Variants in CD84 observed in about 807,000 individuals in gnomAD.
The protein encoded by CD84 is SLAM family member 5.
Under a neutral mutation model 33.8 loss-of-function variants are expected in CD84, and 22 were observed. That is an observed-to-expected ratio of 0.65 (90% confidence interval 0.46 to 0.93). CD84 has a LOEUF of 0.93. CD84 is among the 40% of genes least tolerant of loss of function. The probability of loss-of-function intolerance (pLI) is 0.00; values close to 1 mark genes in which losing one functional copy is unlikely to be tolerated. For synonymous variants in CD84, 154 were observed against 145.2 expected, an observed-to-expected ratio of 1.06 and a Z score of -0.44; for missense variants, 400 against 397.6, an observed-to-expected ratio of 1.01 and a Z score of -0.05.
rs374650921 is a variant in CD84 at position 160,547,105 on chromosome 1, T to G, written c.*1151A>C. The G allele has an allele frequency of 1.3e-3, 516 of 398,882 alleles. 16 individuals carry two copies. In the South Asian group the frequency reaches 0.06, roughly 46 times the overall value. 24.7% of individuals were successfully genotyped at this position (398,882 alleles called of 1,614,324 possible). On this transcript the variant is annotated 3_prime_UTR_variant, in exon 7 of 7. Coordinates refer to ENST00000368054, the MANE Select transcript of CD84 (RefSeq NM_003874.4). ...TTCCTCATTGAGGAGAGTTAATGCC[T>G]GTGTAAGCTGGCTGGTGATCTGTTT... is the stretch of plus-strand genomic sequence containing the variant.
chr1:160,571,970 G>GATTAA lies in CD84; in HGVS notation c.47-6226_47-6225insTTAAT, dbSNP rs758207385. Among the ~76,000 whole-genome samples, 546 of 152,288 alleles carry GATTAA rather than the reference G, an allele frequency of 3.6e-3. 1 individual carries two copies. The highest frequency in any genetic ancestry group is 6.3e-3 in the Non-Finnish European group (430 of 68,020). ...CAGGCAGTGGAAGCTGTAGATTTAA[G>GATTAA]GAGGGTCACACCCTCACCTGAAGTG... On this transcript the variant is annotated intron_variant, in intron 1 of 6. Coordinates refer to ENST00000368054, the MANE Select transcript of CD84 (RefSeq NM_003874.4).
Position 160,547,424 on chromosome 1 carries a change from A to G in CD84, c.*832T>C, listed in dbSNP as rs3766389. ...TGATACAGAAGGAAATCTTGGCCAG[A>G]AAGAAAATCCTATAAGGCTTCTGAA... On this transcript the variant is annotated 3_prime_UTR_variant, in exon 7 of 7. Coordinates refer to ENST00000368054, the MANE Select transcript of CD84 (RefSeq NM_003874.4). The G allele has an allele frequency of 0.31, 116,897 of 380,012 alleles. 18,645 individuals carry two copies. The highest frequency in any genetic ancestry group is 0.37 in the African/African-American group (17,654 of 48,258). The allele number at this position is 380,012 out of a possible 1,614,324, so 23.5% of individuals were successfully genotyped here.
chr1:160,569,112 C>G (rs925179601), intron 1 of CD84, among the ~76,000 whole-genome samples: 2 of 152,206 alleles, frequency 1.3e-5, no homozygotes, highest in Admixed American at 6.5e-5. Context: ...ACAATTGGTA[C>G]ATGCCCTTTG....
intron 1 of CD84, chr1:160,571,243 T>C (rs536047408): frequency 6.6e-6 from 1 of 151,456 alleles, no homozygotes; most frequent in Non-Finnish European, 1.5e-5. Context: ...TCAGGAAGAG[T>C]AAGCCTGAAG....
chr1:160,548,388 A>G (rs1043475142), intron 6 of CD84, 67 bp from the exon 7 acceptor site: 11 of 1,556,198 alleles, frequency 7.1e-6, no homozygotes, highest in African/African-American at 1.4e-5. Flanking sequence ...CAGTCCTGCA[A>G]GTTCCCAGAG....
intron 2 of CD84, among the ~76,000 whole-genome samples, chr1:160,555,312 T>A (rs2102146842): frequency 1.3e-5 from 2 of 152,252 alleles, no homozygotes; most frequent in East Asian, 3.9e-4. Context: ...CTCAATCTCC[T>A]GACCTCGTGA....
intron 1 of CD84, among the ~76,000 whole-genome samples, chr1:160,574,557 G>A (rs1657883865): frequency 1.3e-5 from 2 of 152,190 alleles, no homozygotes; most frequent in African/African-American, 4.8e-5. Context: ...TAAATGACAT[G>A]AGGGTGCTCT....
rs1655863419 is a variant in CD84 at position 160,546,928 on chromosome 1, T to C, written c.*1328A>G. On this transcript the variant is annotated 3_prime_UTR_variant, in exon 7 of 7. Transcript: ENST00000368054. ...AGTCTATGGATTCATTTACTGGGAC[T>C]GATGTCTTTATCTGCCTAATTGCAG... is the stretch of plus-strand genomic sequence containing the variant. The C allele has an allele frequency of 5.1e-6, 2 of 391,060 alleles. No individual in the cohort carries two copies. The highest frequency in any genetic ancestry group is 2.9e-4 in the South Asian group (2 of 6,956). The allele number at this position is 391,060 out of a possible 1,614,324, so 24.2% of individuals were successfully genotyped here.
rs566052803 is a variant in CD84 at position 160,548,060 on chromosome 1, AG to A, written c.*195del. On this transcript the variant is annotated 3_prime_UTR_variant, in exon 7 of 7. Coordinates refer to ENST00000368054, the MANE Select transcript of CD84 (RefSeq NM_003874.4). ...CATTCATTCAGAAGGGAGTCATTTC[AG>A]GAAGGGTATGCATCCATTTGTCCAT... 9.8e-4 allele frequency: 587 copies of A among 601,784 alleles called. 1 individual carries two copies. Among genetic ancestry groups the A allele is most frequent in the African/African-American group, 9.6e-3 (517 of 53,966 alleles). The allele number at this position is 601,784 out of a possible 1,614,324, so 37.3% of individuals were successfully genotyped here. A position where few individuals can be genotyped will look rare whatever the true frequency, so the allele number is the denominator to read the frequency against.
At chr1:160,578,010 A>G (rs567449296) in intron 1 of CD84, among the ~76,000 whole-genome samples, 1 of 152,290 alleles carries the variant, frequency 6.6e-6, no homozygotes, top group Admixed American at 6.5e-5. Flanking sequence ...CAATGAGTGA[A>G]GAGGTCAGGT....
chr1:160,573,132 AAAG>A (rs1171064076), intron 1 of CD84, among the ~76,000 whole-genome samples: 2 of 152,212 alleles, frequency 1.3e-5, no homozygotes, highest in Admixed American at 6.5e-5. Flanking sequence ...ATCGTGAGAA[AAAG>A]AAGAATATTT....
At chr1:160,568,358 G>A (rs1048883893) in intron 1 of CD84, among the ~76,000 whole-genome samples, 6 of 152,194 alleles carry the variant, frequency 3.9e-5, no homozygotes, top group African/African-American at 1.4e-4. Flanking sequence ...TGGGGGTGGT[G>A]GGTAGGCAAA....
chr1:160,543,163 G>T lies in CD84; in HGVS notation c.*5093C>A, dbSNP rs1051382995. 6.6e-6 allele frequency: 1 copy of T among 152,078 alleles called. No individual in the cohort carries two copies. The highest frequency in any genetic ancestry group is 1.9e-4 in the East Asian group (1 of 5,198). The allele number at this position is 152,078 out of a possible 1,614,324, so 9.4% of individuals were successfully genotyped here. On this transcript the variant is annotated 3_prime_UTR_variant, in exon 7 of 7. Coordinates refer to ENST00000368054, the MANE Select transcript of CD84 (RefSeq NM_003874.4). Reference sequence around the variant, plus strand: ...TTGAGTGGTTATCCAGATAGCAATGGAATTAATATATTAATATATTTACTT... The same window carrying T: ...TTGAGTGGTTATCCAGATAGCAATGTAATTAATATATTAATATATTTACTT...
rs1417907536 is a variant in CD84 at position 160,547,540 on chromosome 1, C to G, written c.*716G>C. ...CCATTTGGAGAGTGTGTCTACATGG[C>G]TGAGAGCCACAACTCTGACAGAGAC... On this transcript the variant is annotated 3_prime_UTR_variant, in exon 7 of 7. Coordinates refer to ENST00000368054, the MANE Select transcript of CD84 (RefSeq NM_003874.4). 5.1e-6 allele frequency: 1 copy of G among 197,738 alleles called. No homozygotes were observed. The highest frequency in any genetic ancestry group is 2.3e-5 in the African/African-American group (1 of 43,276). The allele number at this position is 197,738 out of a possible 1,614,324, so 12.2% of individuals were successfully genotyped here.
chr1:160,570,771 A>G (rs1353404888), intron 1 of CD84, among the ~76,000 whole-genome samples: 1 of 152,158 alleles, frequency 6.6e-6, no homozygotes, highest in Non-Finnish European at 1.5e-5. Context: ...CTGAGATGAG[A>G]GGATCACCTG....
chr1:160,568,956 T>C (rs1449500590), intron 1 of CD84, among the ~76,000 whole-genome samples: 1 of 152,222 alleles, frequency 6.6e-6, no homozygotes, highest in African/African-American at 2.4e-5. Flanking sequence ...ATAATAATTA[T>C]GCTATTTGTC....
chr1:160,572,666 G>T (rs1657764744), intron 1 of CD84, among the ~76,000 whole-genome samples: 1 of 152,106 alleles, frequency 6.6e-6, no homozygotes. Context: ...ACCCTTGAGA[G>T]CCCAGTGAAG....
intron 2 of CD84, among the ~76,000 whole-genome samples, chr1:160,559,332 T>C (rs1656800793): frequency 6.6e-6 from 1 of 152,178 alleles, no homozygotes; most frequent in African/African-American, 2.4e-5. Flanking sequence ...ATAGTCAACA[T>C]TATTGAAGAA....
In CD84 at chr1:160,542,677, GA is replaced by G. The variant is rs1222212321; in HGVS notation, c.*5578del. On this transcript the variant is annotated 3_prime_UTR_variant, in exon 7 of 7. Coordinates refer to ENST00000368054, the MANE Select transcript of CD84 (RefSeq NM_003874.4). ...CCAGAGACTTGTACAGGGCTGTTGAGAACTGTCTGGGCAATCAGCCAGCAAC... is the reference window on the plus strand; with the variant it reads ...CCAGAGACTTGTACAGGGCTGTTGAGACTGTCTGGGCAATCAGCCAGCAAC... The G allele has an allele frequency of 6.6e-6, 1 of 152,180 alleles. No homozygotes were observed. Among genetic ancestry groups the G allele is most frequent in the Non-Finnish European group, 1.5e-5 (1 of 68,042 alleles). The allele number at this position is 152,180 out of a possible 1,614,324, so 9.4% of individuals were successfully genotyped here.
Sources: gnomAD v4.1 joint callset for allele counts (sites outside exome capture counted in the v4.1 genomes callset) on GRCh38, gnomAD v4.1.1 for gene constraint, MANE v1.5 for transcripts, NCBI Gene and HGNC (gene_info 2026-07-23, HGNC 2026-07-21) for gene names.